The following PPEF2 variants were observed in gnomAD, a reference collection of about 807,000 sequenced individuals.
PPEF2 encodes the protein protein phosphatase with EF-hand domain 2, also known as serine/threonine-protein phosphatase with EF-hands 2.
In PPEF2, 84 loss-of-function variants were observed where a neutral mutation model predicts 84.7. The ratio of observed to expected loss-of-function variants is 0.99; its 90% CI spans 0.83 to 1.19. PPEF2 has a LOEUF of 1.19. PPEF2 is among the 50% of genes most tolerant of loss of function. The pLI, the probability that PPEF2 is intolerant of heterozygous loss-of-function variation, is 0.00. For missense variants in PPEF2, 924 were observed against 937.5 expected, an observed-to-expected ratio of 0.99 and a Z score of 0.19; for synonymous variants, 346 against 345.2, an observed-to-expected ratio of 1.00 and a Z score of -0.03.
chr4:75,886,064 T>C (rs1230573285), intron 7 of PPEF2, among the ~76,000 whole-genome samples: 1 of 151,842 alleles, frequency 6.6e-6, no homozygotes, highest in African/African-American at 2.4e-5. Context: ...CTACTGATGA[T>C]CTGTTGTTGC....
At chr4:75,890,277 G>T in intron 4 of PPEF2, 145 bp from the exon 5 acceptor site, 1 of 871,680 alleles carries the variant, frequency 1.1e-6, no homozygotes, top group Admixed American at 2.6e-5. Context: ...CTTGAGCCCA[G>T]GAGTTTGAGA....
chr4:75,861,614 G>GTTTTT lies in PPEF2; in HGVS notation c.2009-699_2009-695dup, dbSNP rs71210216. ...CTTTGTGATCTTAGGTTATGCAACAGTTTTTTTTTTTTTGAGAGGGAGTCT... is the reference window on the plus strand; with the variant it reads ...CTTTGTGATCTTAGGTTATGCAACAGTTTTTTTTTTTTTTTTTTGAGAGGGAGTCT... On this transcript the variant is annotated intron_variant, in intron 16 of 16. Coordinates refer to ENST00000286719, the MANE Select transcript of PPEF2 (RefSeq NM_006239.3). 3.5e-5 allele frequency among the ~76,000 whole-genome samples: 3 copies of GTTTTT among 86,182 alleles called. 1 individual carries two copies. Among genetic ancestry groups the GTTTTT allele is most frequent in the Non-Finnish European group, 7.2e-5 (3 of 41,922 alleles). The allele number at this position is 86,182 out of a possible 152,430, so 56.5% of individuals were successfully genotyped here.
At chr4:75,881,036 G>A (rs534703614) in intron 10 of PPEF2, among the ~76,000 whole-genome samples, 10 of 151,218 alleles carry the variant, frequency 6.6e-5, no homozygotes, top group South Asian at 4.2e-4. Context: ...TCCTGACCTC[G>A]TGATCCACCC....
In PPEF2 at chr4:75,890,725, G is replaced by A. The variant is rs1304883315; in HGVS notation, c.242-593C>T. Among the ~76,000 whole-genome samples the A allele has an allele frequency of 3.3e-5, 5 of 152,284 alleles. No individual in the cohort carries two copies. The South Asian group carries it at 8.3e-4, about 25-fold the overall frequency. Reference sequence around the variant, plus strand: ...TTTGCAAGCAGAAGGAAAGGGGAAAGCCAGTGTGGAAAAATCACAGGTATT... The same window carrying A: ...TTTGCAAGCAGAAGGAAAGGGGAAAACCAGTGTGGAAAAATCACAGGTATT... On this transcript the variant is annotated intron_variant, in intron 4 of 16. Transcript: ENST00000286719.
chr4:75,869,577 T>C (rs1213410647), intron 13 of PPEF2, among the ~76,000 whole-genome samples: 2 of 152,220 alleles, frequency 1.3e-5, no homozygotes, highest in African/African-American at 4.8e-5. Flanking sequence ...CCAGGCATGG[T>C]GGCTCGCACC....
chr4:75,872,243 C>T, intron 12 of PPEF2, 76 bp from the exon 13 acceptor site: 1 of 1,385,610 alleles, frequency 7.2e-7, no homozygotes, highest in African/African-American at 1.4e-5. Flanking sequence ...TGTGGCCCAA[C>T]TCAACTGCAG....
At position 75,883,051 on chromosome 4, in the gene PPEF2, T is replaced by C. The variant is rs1365589508; in HGVS notation, c.808A>G (p.Thr270Ala). 4 of 1,613,870 alleles carry C rather than the reference T, an allele frequency of 2.5e-6. No homozygotes were observed. The change falls in exon 10 of 17, where the codon ACC becomes GCC. Residue 270 changes from threonine (T) to alanine (A), a missense_variant. Thr to Ala is a moderately conservative substitution (Grantham distance 58). Transcript: ENST00000286719. ...AGCCAACAGAAAACATCTTGCAGGGTTCTTAGTATTTCCTTCCCGTGTACC... is the reference window on the plus strand; with the variant it reads ...AGCCAACAGAAAACATCTTGCAGGGCTCTTAGTATTTCCTTCCCGTGTACC... Reference protein sequence around the residue: ...YKVHGKEILRTLQDVFCWLPL... With the variant: ...YKVHGKEILRALQDVFCWLPL...
Position 75,876,424 on chromosome 4 carries a change from C to T in PPEF2, c.1183G>A (p.Glu395Lys). 1 of 1,614,192 alleles carries T rather than the reference C, an allele frequency of 6.2e-7. No homozygotes were observed. The highest frequency in any genetic ancestry group is 8.5e-7 in the Non-Finnish European group (1 of 1,180,046). Residue 395 changes from glutamate to lysine, a missense_variant, in exon 11 of 17, where the codon GAA (glutamate) becomes AAA (lysine). Physicochemically the swap from Glu to Lys is moderately conservative, Grantham distance 56. Coordinates refer to ENST00000286719, the MANE Select transcript of PPEF2 (RefSeq NM_006239.3). ...TGCCGGCACCGCTCTAGCTCCAGTT[C>T]CACGGAGCTCCGCACCTGCCGGGAG... ...ELSRQVRSSV[E>K]LELERCRQQA... is the part of the protein sequence containing the mutation.
At chr4:75,901,011 G>A (rs948141429) in intron 1 of PPEF2, among the ~76,000 whole-genome samples, 3 of 152,152 alleles carry the variant, frequency 2.0e-5, no homozygotes, top group African/African-American at 7.2e-5. Context: ...AATTACCTCT[G>A]GAGAAAGAGG....
chr4:75,872,379 G>A (rs370391289), intron 12 of PPEF2, among the ~76,000 whole-genome samples: 68 of 152,188 alleles, frequency 4.5e-4, no homozygotes, highest in African/African-American at 1.5e-3. Context: ...TTTGAATTCC[G>A]ATAGTTTCAC....
chr4:75,861,031 CAA>C, intron 16 of PPEF2, 111 bp from the exon 17 acceptor site: 1 of 1,252,134 alleles, frequency 8.0e-7, no homozygotes, highest in Non-Finnish European at 1.1e-6. Context: ...GAGAGACACA[CAA>C]ATCCTAGTAT....
intron 4 of PPEF2, among the ~76,000 whole-genome samples, 158 bp downstream of exon 4, chr4:75,891,490 C>G (rs1724880505): frequency 1.3e-5 from 2 of 152,174 alleles, no homozygotes; most frequent in Admixed American, 1.3e-4. Context: ...TCAGGAGAAC[C>G]TGGCATAAAA....
chr4:75,899,728 A>G (rs1341315521), intron 1 of PPEF2, among the ~76,000 whole-genome samples: 1 of 152,204 alleles, frequency 6.6e-6, no homozygotes, highest in East Asian at 1.9e-4. Context: ...ATGAGATGTC[A>G]TGATACCAGA....
chr4:75,899,412 T>A (rs997957868), intron 1 of PPEF2, among the ~76,000 whole-genome samples: 1 of 152,166 alleles, frequency 6.6e-6, no homozygotes, highest in Non-Finnish European at 1.5e-5. Context: ...ATGCCATATT[T>A]CTTTTTATAC....
chr4:75,884,860 C>A (rs1432220503), intron 7 of PPEF2, 100 bp from the exon 8 acceptor site: 9 of 1,034,834 alleles, frequency 8.7e-6, no homozygotes, highest in African/African-American at 1.6e-5. Context: ...ATGTCTAACA[C>A]CAATTCTGTG....
At position 75,866,212 on chromosome 4, in the gene PPEF2, C is replaced by A; in HGVS notation, c.1897G>T (p.Ala633Ser). 6.2e-7 allele frequency: 1 copy of A among 1,613,436 alleles called. No homozygotes were observed. The highest frequency in any genetic ancestry group is 8.5e-7 in the Non-Finnish European group (1 of 1,179,632). The change falls in exon 15 of 17, where the codon GCC (alanine) becomes TCC (serine). Residue 633 changes from alanine (A) to serine (S), a missense_variant. Ala to Ser is a moderately conservative substitution (Grantham distance 99). Coordinates refer to ENST00000286719, the MANE Select transcript of PPEF2 (RefSeq NM_006239.3). ...ACCTCGCGACTCAGTTGTTCCTTGG[C>A]CAAGTTCTTCAGCCAAGACTTGTAC... is the stretch of plus-strand genomic sequence containing the variant. ...LEYKSWLKNLAKEQLSRENIQ... is the reference protein window; with the variant it reads ...LEYKSWLKNLSKEQLSRENIQ...
intron 5 of PPEF2, among the ~76,000 whole-genome samples, chr4:75,888,936 G>A (rs1041758464): frequency 8.5e-5 from 13 of 152,250 alleles, no homozygotes; most frequent in African/African-American, 2.2e-4. Context: ...TCAGGGCTGG[G>A]TATGATGGCT....
intron 11 of PPEF2, 46 bp from the exon 12 acceptor site, chr4:75,873,358 A>G: frequency 6.7e-7 from 1 of 1,497,028 alleles, no homozygotes; most frequent in Non-Finnish European, 9.1e-7. Flanking sequence ...CTAGATACAT[A>G]TTCATCCACA....
intron 1 of PPEF2, among the ~76,000 whole-genome samples, chr4:75,900,298 A>C (rs1371230858): frequency 6.6e-6 from 1 of 152,214 alleles, no homozygotes; most frequent in African/African-American, 2.4e-5. Flanking sequence ...ATGACCTACA[A>C]AGAATTTATT....
Sources: gnomAD v4.1 joint callset for allele counts (sites outside exome capture counted in the v4.1 genomes callset) on GRCh38, gnomAD v4.1.1 for gene constraint, MANE v1.5 for transcripts, NCBI Gene and HGNC (gene_info 2026-07-23, HGNC 2026-07-21) for gene names.